Variants in EXOC4 observed in about 807,000 individuals in gnomAD.
The protein encoded by EXOC4 is SEC8-like 1.
A neutral mutation model predicts 107.2 loss-of-function variants in EXOC4; 71 were observed. The ratio of observed to expected loss-of-function variants is 0.66; its 90% CI spans 0.55 to 0.81. The LOEUF (loss-of-function observed/expected upper bound fraction) is 0.81. Ranked by LOEUF, EXOC4 falls within the 30% of genes least tolerant of loss-of-function variation. The pLI, the probability that EXOC4 is intolerant of heterozygous loss-of-function variation, is 0.00. For missense variants in EXOC4, 1,108 were observed against 1,189.6 expected (o/e 0.93, Z 1.01); for synonymous variants, 456 against 441.2 (o/e 1.03, Z -0.42).
intron 10 of EXOC4, among the ~76,000 whole-genome samples, chr7:133,784,205 C>T (rs897281931): frequency 6.6e-6 from 1 of 151,796 alleles, no homozygotes; most frequent in African/African-American, 2.4e-5. Flanking sequence ...TAGGCAATGG[C>T]GAAGTAGAAA....
chr7:133,526,936 C>T (rs1800090777), intron 9 of EXOC4, among the ~76,000 whole-genome samples: 1 of 152,018 alleles, frequency 6.6e-6, no homozygotes. Context: ...TGCGCTACTG[C>T]ACTCCAGCCT....
At chr7:133,861,364 A>G (rs201843250) in intron 11 of EXOC4, among the ~76,000 whole-genome samples, 41 of 152,246 alleles carry the variant, frequency 2.7e-4, no homozygotes, top group East Asian at 5.8e-4. Context: ...GTGACATGCA[A>G]TTTATCTACA....
At chr7:133,544,091 A>G (rs1047788397) in intron 9 of EXOC4, among the ~76,000 whole-genome samples, 4 of 152,160 alleles carry the variant, frequency 2.6e-5, no homozygotes, top group African/African-American at 7.2e-5. Context: ...TCAGCAAATA[A>G]TGGTGCATTG....
intron 5 of EXOC4, among the ~76,000 whole-genome samples, chr7:133,343,733 T>G (rs144754229): frequency 6.6e-6 from 1 of 152,044 alleles, no homozygotes; most frequent in African/African-American, 2.4e-5. Flanking sequence ...TATCTGTATT[T>G]TATTCTCTAT....
chr7:133,816,762 A>G (rs1272516460), intron 10 of EXOC4, among the ~76,000 whole-genome samples: 1 of 152,168 alleles, frequency 6.6e-6, no homozygotes, highest in Non-Finnish European at 1.5e-5. Context: ...GATCCCTCAC[A>G]TGCACAGCTC....
At chr7:133,355,640 A>G (rs547848367) in intron 5 of EXOC4, among the ~76,000 whole-genome samples, 26 of 152,242 alleles carry the variant, frequency 1.7e-4, no homozygotes, top group Admixed American at 4.6e-4. Context: ...CTAAAGATCT[A>G]CAGAGGCTTT....
chr7:133,407,660 A>G (rs1797253650), intron 7 of EXOC4, among the ~76,000 whole-genome samples: 1 of 152,210 alleles, frequency 6.6e-6, no homozygotes, highest in African/African-American at 2.4e-5. Flanking sequence ...AAGCGTGGCC[A>G]TAAATTCTAG....
intron 10 of EXOC4, among the ~76,000 whole-genome samples, chr7:133,722,412 T>G (rs1474282114): frequency 6.6e-6 from 1 of 152,246 alleles, no homozygotes; most frequent in African/African-American, 2.4e-5. Context: ...TCTTTCTCCT[T>G]TAGAAATCAA....
chr7:133,879,189 G>A (rs367991936), intron 11 of EXOC4, among the ~76,000 whole-genome samples: 13 of 152,154 alleles, frequency 8.5e-5, no homozygotes, highest in East Asian at 7.7e-4. Context: ...GGGACACCTG[G>A]ACTCAAGCGA....
At chr7:133,518,471 G>A (rs1313705470) in intron 9 of EXOC4, among the ~76,000 whole-genome samples, 1 of 150,854 alleles carries the variant, frequency 6.6e-6, no homozygotes, top group Non-Finnish European at 1.5e-5. Flanking sequence ...CTTTCCTGAG[G>A]AAATTGTGTG....
intron 7 of EXOC4, among the ~76,000 whole-genome samples, chr7:133,471,412 C>G (rs79147382): frequency 8.0e-6 from 1 of 125,286 alleles, no homozygotes; most frequent in Non-Finnish European, 1.7e-5. Flanking sequence ...GACTTCATCT[C>G]AAAAAAAAAA....
At position 133,412,278 on chromosome 7, in the gene EXOC4, G is replaced by GTTTTTTTTTTT. The variant is rs35334259; in HGVS notation, c.1182+37289_1182+37299dup. On this transcript the variant is annotated intron_variant, in intron 7 of 17. Transcript: ENST00000253861. ...ATCTGGTCAATACTGTCAGAATTCA[G>GTTTTTTTTTTT]TTTTTTTTTTTTTTTTTTTTTTTGC... is the stretch of plus-strand genomic sequence containing the variant. Among the ~76,000 whole-genome samples, 21 of 71,482 alleles carry GTTTTTTTTTTT rather than the reference G, an allele frequency of 2.9e-4. 1 individual carries two copies. The highest frequency in any genetic ancestry group is 4.4e-4 in the Non-Finnish European group (18 of 41,024). 46.9% of individuals were successfully genotyped at this position (71,482 alleles called of 152,430 possible). A position where few individuals can be genotyped will look rare whatever the true frequency, so the allele number is the denominator to read the frequency against.
chr7:133,473,290 T>C (rs1474587405), intron 7 of EXOC4, among the ~76,000 whole-genome samples: 1 of 152,208 alleles, frequency 6.6e-6, no homozygotes, highest in Non-Finnish European at 1.5e-5. Context: ...CATTATATTA[T>C]TTCATCCACA....
intron 10 of EXOC4, among the ~76,000 whole-genome samples, chr7:133,758,646 C>G (rs533425549): frequency 4.0e-4 from 61 of 152,274 alleles, no homozygotes; most frequent in Non-Finnish European, 7.8e-4. Context: ...CTTTGTTTCA[C>G]TTATATTTCG....
intron 7 of EXOC4, among the ~76,000 whole-genome samples, chr7:133,436,043 TCA>T (rs1797963154): frequency 7.9e-6 from 1 of 127,136 alleles, no homozygotes; most frequent in African/African-American, 2.8e-5. Flanking sequence ...TTGAATTATC[TCA>T]GTGTTTTTTT....
chr7:133,547,983 C>T (rs1800514945), intron 9 of EXOC4, among the ~76,000 whole-genome samples: 2 of 151,974 alleles, frequency 1.3e-5, no homozygotes, highest in African/African-American at 4.8e-5. Context: ...CCGGATCCAT[C>T]AGAAGAATCA....
chr7:133,767,188 G>A (rs1006573801), intron 10 of EXOC4, among the ~76,000 whole-genome samples: 1 of 151,480 alleles, frequency 6.6e-6, no homozygotes, highest in African/African-American at 2.4e-5. Context: ...CTTCTACCTA[G>A]TCACTCTCCC....
At chr7:133,787,814 TCA>T (rs1337421701) in intron 10 of EXOC4, among the ~76,000 whole-genome samples, 62 of 151,112 alleles carry the variant, frequency 4.1e-4, no homozygotes, top group African/African-American at 1.2e-3. Context: ...CCGTATACTC[TCA>T]CACTGGGGGT....
chr7:133,951,755 G>A (rs540210249), intron 14 of EXOC4, among the ~76,000 whole-genome samples: 5 of 152,174 alleles, frequency 3.3e-5, no homozygotes, highest in South Asian at 4.1e-4. Context: ...GGGTAAGGTC[G>A]TATTTATTCA....
Sources: gnomAD v4.1 joint callset for allele counts (sites outside exome capture counted in the v4.1 genomes callset) on GRCh38, gnomAD v4.1.1 for gene constraint, MANE v1.5 for transcripts, NCBI Gene and HGNC (gene_info 2026-07-23, HGNC 2026-07-21) for gene names.